ZNF30: variants seen among roughly 807,000 people sequenced by gnomAD.
ZNF30 encodes the protein zinc finger protein 30 (KOX 28).
ZNF30 carries 15 observed loss-of-function variants against 13.2 expected under a neutral mutation model. The ratio of observed to expected loss-of-function variants is 1.13; its 90% CI spans 0.76 to 1.75. ZNF30 has a LOEUF of 1.75. ZNF30 is among the 40% of genes most tolerant of loss of function. ZNF30 has a pLI of 0.00. For synonymous variants in ZNF30, 223 were observed against 256.6 expected, an observed-to-expected ratio of 0.87 and a Z score of 1.25; for missense variants, 726 against 757.0, an observed-to-expected ratio of 0.96 and a Z score of 0.48.
At chr19:34,942,597 A>T (rs1568543725) in intron 4 of ZNF30, 1 of 1,285,748 alleles carries the variant, frequency 7.8e-7, no homozygotes, top group Non-Finnish European at 1.0e-6. Flanking sequence ...TGGATAGGAT[A>T]AGAAAGCTCC....
chr19:34,944,736 C>T lies in ZNF30; in HGVS notation c.1770C>T (p.His590=). The T allele has an allele frequency of 6.2e-7, 1 of 1,614,022 alleles. No homozygotes were observed. Among genetic ancestry groups the T allele is most frequent in the Non-Finnish European group, 8.5e-7 (1 of 1,179,934 alleles). Residue 590 remains histidine, a synonymous_variant, in exon 5 of 5, where the codon CAC becomes CAT. Coordinates refer to ENST00000601142, the MANE Select transcript of ZNF30 (RefSeq NM_194325.3). The part of the protein sequence containing the change: ...NSFLTEHQRV[H]TGEKPFKCKK... ...TCCTTACTGAACATCAGCGGGTACACACTGGTGAGAAACCCTTTAAATGCA... is the reference window on the plus strand; with the variant it reads ...TCCTTACTGAACATCAGCGGGTACATACTGGTGAGAAACCCTTTAAATGCA...
chr19:34,926,510 T>C (rs2012078989), upstream of ZNF30, among the ~76,000 whole-genome samples: 1 of 152,234 alleles, frequency 6.6e-6, no homozygotes, highest in Admixed American at 6.5e-5. Context: ...AATTCCTGTA[T>C]CAGAGGACAG....
At chr19:34,938,305 C>T (rs2012849501) in intron 4 of ZNF30, among the ~76,000 whole-genome samples, 1 of 152,104 alleles carries the variant, frequency 6.6e-6, no homozygotes, top group Admixed American at 6.6e-5. Context: ...ATCGGGTGGA[C>T]AGGAGTTTGG....
In ZNF30 at chr19:34,944,837, A is replaced by T. The variant is rs760183305; in HGVS notation, c.1871A>T (p.Ter624LeuextTer41). Residue 624 changes from the stop codon to leucine, a stop_lost, in exon 5 of 5, where the codon TAA (stop) becomes TTA (leucine). Transcript: ENST00000601142. ...HLRKHMSVIP[*>L] ...AGAAAACATATGAGTGTTATACCCT[A>T]AGAGTCTGAGGAGTGTGGGAAGTGC... The T allele has an allele frequency of 2.5e-6, 4 of 1,580,420 alleles. No individual in the cohort carries two copies. The highest frequency in any genetic ancestry group is 3.5e-6 in the Non-Finnish European group (4 of 1,159,200).
At chr19:34,929,475 C>G (rs1330126223) in intron 1 of ZNF30, among the ~76,000 whole-genome samples, 1 of 152,174 alleles carries the variant, frequency 6.6e-6, no homozygotes, top group Non-Finnish European at 1.5e-5. Flanking sequence ...CTCCTATGTT[C>G]TCTACCTCCC....
At chr19:34,928,535 A>G (rs143078171) in intron 1 of ZNF30, among the ~76,000 whole-genome samples, 9 of 152,052 alleles carry the variant, frequency 5.9e-5, no homozygotes, top group African/African-American at 1.9e-4. Flanking sequence ...AGTTATTGCT[A>G]TTACTCAATT....
chr19:34,933,717 T>C lies in ZNF30; in HGVS notation c.250T>C (p.Cys84Arg), dbSNP rs1333885726. The stretch of plus-strand genomic sequence containing the variant: ...AGTGAGGAAAGATGGAAGAAGATGG[T>C]GCACAGGTGAGTAAGAGCATGGCAG... ...VTVRKDGRRW[C>R]TDLQLEDDTI... is the part of the protein sequence containing the mutation. The change falls in exon 4 of 5, where the codon TGC becomes CGC. Residue 84 changes from cysteine (C) to arginine (R), a missense_variant. Coordinates refer to ENST00000601142, the MANE Select transcript of ZNF30 (RefSeq NM_194325.3). The C allele has an allele frequency of 1.3e-6, 2 of 1,580,824 alleles. No homozygotes were observed. The highest frequency in any genetic ancestry group is 1.7e-6 in the Non-Finnish European group (2 of 1,162,170).
chr19:34,924,664 A>G (rs79584437), upstream of ZNF30, among the ~76,000 whole-genome samples: 10 of 152,304 alleles, frequency 6.6e-5, no homozygotes, highest in East Asian at 1.9e-3. Flanking sequence ...TTTGTCTCCG[A>G]TTGACATGAA....
At chr19:34,935,702 T>G (rs1203762306) in intron 4 of ZNF30, among the ~76,000 whole-genome samples, 1 of 50,712 alleles carries the variant, frequency 2.0e-5, no homozygotes, top group Non-Finnish European at 3.5e-5. Context: ...TGTCTATAGT[T>G]TTTTTTTTTT....
At position 34,944,627 on chromosome 19, in the gene ZNF30, A is replaced by C. The variant is rs2151678092; in HGVS notation, c.1661A>C (p.Gln554Pro). 1 of 1,614,130 alleles carries C rather than the reference A, an allele frequency of 6.2e-7. No homozygotes were observed. The highest frequency in any genetic ancestry group is 1.7e-5 in the Admixed American group (1 of 60,010). Residue 554 changes from glutamine (Q) to proline (P), a missense_variant, in exon 5 of 5, where the codon CAA becomes CCA. Transcript: ENST00000601142. ...GGGAAAGCCTTTACTGTTTATGGAC[A>C]ACTTATTGGACATCAGAGTGTTCAC... is the stretch of plus-strand genomic sequence containing the variant. The part of the protein sequence containing the change: ...KCGKAFTVYG[Q>P]LIGHQSVHTG...
chr19:34,933,648 CAT>C lies in ZNF30; in HGVS notation c.182_183del (p.His61ArgfsTer12), dbSNP rs767543747. 2.1e-5 allele frequency: 33 copies of C among 1,600,734 alleles called. No homozygotes were observed. Among genetic ancestry groups the C allele is most frequent in the Non-Finnish European group, 2.7e-5 (32 of 1,173,304 alleles). On this transcript the variant is annotated frameshift_variant, in exon 4 of 5. Transcript: ENST00000601142. LOFTEE classifies it high-confidence loss of function. ...VSMGHSRSKP[H>X]VIALLEQWKE... is the part of the protein sequence containing the mutation. Reference sequence around the variant, plus strand: ...AGCAGGACATTCCCGTTCTAAACCACATGTGATCGCCTTATTGGAACAATGGA... The same window carrying C: ...AGCAGGACATTCCCGTTCTAAACCACGTGATCGCCTTATTGGAACAATGGA...
chr19:34,943,709 C>G lies in ZNF30; in HGVS notation c.743C>G (p.Thr248Ser). Residue 248 changes from threonine to serine, a missense_variant, in exon 5 of 5, where the codon ACC (threonine) becomes AGC (serine). Coordinates refer to ENST00000601142, the MANE Select transcript of ZNF30 (RefSeq NM_194325.3). ...GKAFLVYGKLTRHQSTHTGEK... is the reference protein window; with the variant it reads ...GKAFLVYGKLSRHQSTHTGEK... ...GCTTTTCTAGTATATGGAAAGCTTA[C>G]CCGGCATCAGAGTACTCACACTGGT... 1 of 1,613,488 alleles carries G rather than the reference C, an allele frequency of 6.2e-7. No homozygotes were observed. Among genetic ancestry groups the G allele is most frequent in the Non-Finnish European group, 8.5e-7 (1 of 1,179,660 alleles).
rs763879069 is a variant in ZNF30, at chr19:34,931,960, ATGT to A, written c.130_132del (p.Leu44del). 1.4e-5 allele frequency: 22 copies of A among 1,603,446 alleles called. No individual in the cohort carries two copies. The highest frequency in any genetic ancestry group is 2.7e-5 in the African/African-American group (2 of 74,324). Reference sequence around the variant, plus strand: ...CCAGAGGGGCTTGTACAGAGATGTGATGTTGGAGAACTACAGGAACTTGGTGTC... The same window carrying A: ...CCAGAGGGGCTTGTACAGAGATGTGATGGAGAACTACAGGAACTTGGTGTC... On this transcript the variant is annotated inframe_deletion, in exon 3 of 5. Coordinates refer to ENST00000601142, the MANE Select transcript of ZNF30 (RefSeq NM_194325.3).
intron 1 of ZNF30, among the ~76,000 whole-genome samples, chr19:34,928,037 T>C (rs532909557): frequency 3.3e-5 from 5 of 151,690 alleles, no homozygotes; most frequent in African/African-American, 1.2e-4. Flanking sequence ...AAACCCCGTC[T>C]CTACTAAAAA....
chr19:34,928,348 C>T (rs920560325), intron 1 of ZNF30, among the ~76,000 whole-genome samples: 6 of 149,602 alleles, frequency 4.0e-5, no homozygotes, highest in African/African-American at 2.5e-5. Context: ...TACGTAATAA[C>T]TCCAATGCAG....
chr19:34,940,852 G>T (rs2013010937), intron 4 of ZNF30, among the ~76,000 whole-genome samples: 1 of 152,038 alleles, frequency 6.6e-6, no homozygotes, highest in South Asian at 2.1e-4. Context: ...GTACACAAAT[G>T]CAACCACATG....
At chr19:34,929,346 A>G (rs2012311215) in intron 1 of ZNF30, among the ~76,000 whole-genome samples, 2 of 152,226 alleles carry the variant, frequency 1.3e-5, no homozygotes, top group South Asian at 2.1e-4. Context: ...CAAGTATTCT[A>G]TTAACTTTTG....
intron 1 of ZNF30, among the ~76,000 whole-genome samples, chr19:34,928,254 TAG>T (rs1438543385): frequency 0.04 from 1,933 of 48,224 alleles, 17 homozygotes; most frequent in African/African-American, 0.12. Context: ...TATATATATA[TAG>T]ATAGATAGAT....
intron 4 of ZNF30, among the ~76,000 whole-genome samples, chr19:34,938,267 A>C (rs1003063121): frequency 6.6e-6 from 1 of 152,150 alleles, no homozygotes; most frequent in Non-Finnish European, 1.5e-5. Context: ...AATAATAAAA[A>C]AATAAAAATA....
Sources: gnomAD v4.1 joint callset for allele counts (sites outside exome capture counted in the v4.1 genomes callset) on GRCh38, gnomAD v4.1.1 for gene constraint, MANE v1.5 for transcripts, NCBI Gene and HGNC (gene_info 2026-07-23, HGNC 2026-07-21) for gene names.